The following PLXNA4 variants were observed in gnomAD, a reference collection of about 807,000 sequenced individuals.
PLXNA4 encodes plexin A4.
A neutral mutation model predicts 191.8 loss-of-function variants in PLXNA4; 44 were observed. That is an observed-to-expected ratio of 0.23 (90% CI 0.18 to 0.29). The LOEUF is 0.29. Among genes scored for constraint, PLXNA4 ranks in the 10% least tolerant of loss-of-function variants. The pLI is 1.00. For missense variants in PLXNA4, 1,800 were observed against 2,488.8 expected (o/e 0.72, Z 5.89); for synonymous variants, 1,082 against 1,009.5 (o/e 1.07, Z -1.36).
At chr7:132,356,957 GC>G (rs1451211279) in intron 3 of PLXNA4, among the ~76,000 whole-genome samples, 3 of 152,074 alleles carry the variant, frequency 2.0e-5, no homozygotes, top group Non-Finnish European at 4.4e-5. Context: ...AGACAGAGGG[GC>G]CTGGGGAAGG....
chr7:132,471,201 A>G (rs948481689), intron 3 of PLXNA4, among the ~76,000 whole-genome samples: 9 of 152,112 alleles, frequency 5.9e-5, no homozygotes, highest in African/African-American at 1.9e-4. Flanking sequence ...GCCTTCTGCC[A>G]TGACTGTAAG....
At chr7:132,266,976 C>T (rs922916041) in intron 4 of PLXNA4, among the ~76,000 whole-genome samples, 8 of 152,172 alleles carry the variant, frequency 5.3e-5, no homozygotes, top group Non-Finnish European at 7.4e-5. Flanking sequence ...TTCTCCTTTT[C>T]TAATGCCATC....
At chr7:132,521,676 C>T (rs1027444346) in intron 1 of PLXNA4, among the ~76,000 whole-genome samples, 2 of 152,190 alleles carry the variant, frequency 1.3e-5, no homozygotes, top group African/African-American at 4.8e-5. Flanking sequence ...GGGCAAGGAA[C>T]AGGAAGTCTC....
chr7:132,444,282 C>T (rs1272753518), intron 3 of PLXNA4, among the ~76,000 whole-genome samples: 2 of 152,256 alleles, frequency 1.3e-5, no homozygotes, highest in Non-Finnish European at 2.9e-5. Flanking sequence ...GAGAAGAAGT[C>T]TCTCTCTTGT....
chr7:132,393,198 C>A (rs1438709109), intron 3 of PLXNA4, among the ~76,000 whole-genome samples: 9 of 124,922 alleles, frequency 7.2e-5, no homozygotes, highest in African/African-American at 2.9e-4. Context: ...ACACCCCCCC[C>A]CACCACCACC....
chr7:132,133,284 G>T (rs1584747552), intron 30 of PLXNA4, 85 bp from the exon 31 acceptor site: 1 of 1,549,510 alleles, frequency 6.5e-7, no homozygotes, highest in East Asian at 2.3e-5. Flanking sequence ...CGTGTCTGGG[G>T]CCATGAGCTC....
At chr7:132,575,751 C>T (rs910182700) in intron 1 of PLXNA4, among the ~76,000 whole-genome samples, 6 of 152,204 alleles carry the variant, frequency 3.9e-5, no homozygotes, top group Non-Finnish European at 8.8e-5. Context: ...TGCCTGAAAT[C>T]TCGGCGCATT....
At chr7:132,323,850 G>A (rs1802266735) in intron 3 of PLXNA4, among the ~76,000 whole-genome samples, 1 of 152,028 alleles carries the variant, frequency 6.6e-6, no homozygotes. Flanking sequence ...CACCCTCTGT[G>A]CCTCAGCTTC....
At chr7:132,265,751 C>T (rs532926645) in intron 4 of PLXNA4, among the ~76,000 whole-genome samples, 16 of 152,238 alleles carry the variant, frequency 1.1e-4, no homozygotes, top group Admixed American at 9.2e-4. Flanking sequence ...CTGCAGGTAC[C>T]GTGCACTATG....
rs564323477 is a variant in PLXNA4 at position 132,301,318 on chromosome 7, G to A, written c.1372-3096C>T. On this transcript the variant is annotated intron_variant, in intron 3 of 31. Coordinates refer to ENST00000321063, the MANE Select transcript of PLXNA4 (RefSeq NM_020911.2). ...ATTTAGGTAGAATGGACCAGCTGCC[G>A]GCTCTTGGACCCTTAACATAGACAA... Among the ~76,000 whole-genome samples the A allele has an allele frequency of 1.7e-4, 26 of 152,246 alleles. No individual in the cohort carries two copies. In the South Asian group the frequency reaches 2.7e-3, roughly 16 times the overall value.
chr7:132,346,379 T>C (rs547460072), intron 3 of PLXNA4, among the ~76,000 whole-genome samples: 13 of 152,310 alleles, frequency 8.5e-5, no homozygotes, highest in South Asian at 2.1e-4. Flanking sequence ...AGTTCAAAAA[T>C]ATTAAGTGAC....
At chr7:132,472,270 G>T (rs188885858) in intron 3 of PLXNA4, among the ~76,000 whole-genome samples, 129 of 152,286 alleles carry the variant, frequency 8.5e-4, no homozygotes, top group African/African-American at 2.9e-3. Flanking sequence ...AGAAAATCCA[G>T]ATCTTTTCTC....
At chr7:132,566,565 A>G (rs1454428947) in intron 1 of PLXNA4, among the ~76,000 whole-genome samples, 1 of 152,172 alleles carries the variant, frequency 6.6e-6, no homozygotes, top group Non-Finnish European at 1.5e-5. Context: ...TTGATAAAGA[A>G]CATTTATCTT....
At chr7:132,258,757 C>T (rs1382243544) in intron 4 of PLXNA4, among the ~76,000 whole-genome samples, 2 of 152,158 alleles carry the variant, frequency 1.3e-5, no homozygotes, top group Non-Finnish European at 2.9e-5. Context: ...ACTATGAAAG[C>T]GTAGGTTGGC....
At chr7:132,297,303 C>A (rs1011159167) in intron 4 of PLXNA4, among the ~76,000 whole-genome samples, 1 of 152,162 alleles carries the variant, frequency 6.6e-6, no homozygotes, top group African/African-American at 2.4e-5. Flanking sequence ...TACAGCAGTG[C>A]TGCACCTCAC....
intron 3 of PLXNA4, among the ~76,000 whole-genome samples, chr7:132,361,811 G>T (rs1382326823): frequency 6.6e-6 from 1 of 152,060 alleles, no homozygotes; most frequent in East Asian, 1.9e-4. Flanking sequence ...TTCTATTATG[G>T]TGGGGGTGTG....
chr7:132,289,892 T>C (rs1454316817), intron 4 of PLXNA4, among the ~76,000 whole-genome samples: 4 of 152,144 alleles, frequency 2.6e-5, no homozygotes, highest in African/African-American at 9.7e-5. Context: ...TTGATCTCTG[T>C]TTCCTAAACG....
chr7:132,506,912 T>C (rs1798486221), intron 2 of PLXNA4, among the ~76,000 whole-genome samples: 1 of 152,238 alleles, frequency 6.6e-6, no homozygotes, highest in Admixed American at 6.5e-5. Flanking sequence ...CTTTTCTAAG[T>C]TAGCTTTGCT....
intron 1 of PLXNA4, among the ~76,000 whole-genome samples, chr7:132,563,075 C>T (rs111219807): frequency 2.1e-5 from 2 of 96,350 alleles, no homozygotes; most frequent in Non-Finnish European, 2.1e-5. Context: ...TCCTCCTCCT[C>T]CTTCTCCTCC....
Sources: gnomAD v4.1 joint callset for allele counts (sites outside exome capture counted in the v4.1 genomes callset) on GRCh38, gnomAD v4.1.1 for gene constraint, MANE v1.5 for transcripts, NCBI Gene and HGNC (gene_info 2026-07-23, HGNC 2026-07-21) for gene names.